CDH24: variants seen among roughly 807,000 people sequenced by gnomAD.
CDH24 encodes the protein cadherin 24, also known as cadherin-24.
CDH24 carries 61 observed loss-of-function variants against 71.2 expected under a neutral mutation model. The observed-to-expected ratio is 0.86, with a 90% confidence interval of 0.70 to 1.06. The LOEUF (loss-of-function observed/expected upper bound fraction) is 1.06, where lower values mean the gene tolerates loss of function less well. CDH24 is among the 50% of genes least tolerant of loss of function. The pLI, the probability that CDH24 is intolerant of heterozygous loss-of-function variation, is 0.00. For missense variants in CDH24, 961 were observed against 1,083.7 expected, an observed-to-expected ratio of 0.89 and a Z score of 1.59; for synonymous variants, 440 against 470.2, an observed-to-expected ratio of 0.94 and a Z score of 0.83.
At chr14:23,052,043 C>G in intron 8 of CDH24, 1 of 1,581,752 alleles carries the variant, frequency 6.3e-7, no homozygotes, top group Non-Finnish European at 8.6e-7. Flanking sequence ...ACTCAGCAAC[C>G]AGAAGAGGTA....
Position 23,047,964 on chromosome 14 carries a change from G to C in CDH24, c.*16C>G. 7.7e-7 allele frequency: 1 copy of C among 1,305,026 alleles called. No individual in the cohort carries two copies. The allele number at this position is 1,305,026 out of a possible 1,614,324, so 80.8% of individuals were successfully genotyped here. On this transcript the variant is annotated 3_prime_UTR_variant, in exon 12 of 13. Coordinates refer to ENST00000487137, the MANE Select transcript of CDH24 (RefSeq NM_144985.4). Reference sequence around the variant, plus strand: ...CGCTGCCCCCCCCCCGCGGTGGGCCGGGCCAGCCCGGGCGCTCAGGGGGCC... The same window carrying C: ...CGCTGCCCCCCCCCCGCGGTGGGCCCGGCCAGCCCGGGCGCTCAGGGGGCC...
rs753229920 is a variant in CDH24 at position 23,054,134 on chromosome 14, G to C, written c.972+7C>G. On this transcript the variant is annotated splice_region_variant and intron_variant, in intron 6 of 12. Transcript: ENST00000487137. This position sits in a 1 kb window ranked among gnomAD's most constrained non-coding sequence, Gnocchi z 5.2. Reference sequence around the variant, plus strand: ...TAAGAGAAAGCATTAACAGGCAGGAGGCTAACCTTGCGGACAGTGAGGAGC... The same window carrying C: ...TAAGAGAAAGCATTAACAGGCAGGACGCTAACCTTGCGGACAGTGAGGAGC... 31 of 1,584,242 alleles carry C rather than the reference G, an allele frequency of 2.0e-5. No homozygotes were observed. Among genetic ancestry groups the C allele is most frequent in the African/African-American group, 2.7e-5 (2 of 74,120 alleles).
chr14:23,055,300 C>A lies in CDH24; in HGVS notation c.255G>T (p.Gly85=). ...TCACAAATACGGTGCCTGCCCCCTC[C>A]CCGGTCAACAGGTACTTGGTGCGGC... ...GEGRTKYLLT[G]EGAGTVFVID... is the part of the protein sequence containing the mutation. The change falls in exon 3 of 13, where the codon GGG becomes GGT. Residue 85 remains glycine, a synonymous_variant. Coordinates refer to ENST00000487137, the MANE Select transcript of CDH24 (RefSeq NM_144985.4). This position sits in a 1 kb window ranked among gnomAD's most constrained non-coding sequence, Gnocchi z 4.1. 6.2e-7 allele frequency: 1 copy of A among 1,611,652 alleles called. No homozygotes were observed. Among genetic ancestry groups the A allele is most frequent in the South Asian group, 1.1e-5 (1 of 91,062 alleles).
chr14:23,049,231 G>A lies in CDH24; in HGVS notation c.1642C>T (p.Arg548Cys), dbSNP rs764139008. ...ATGGGAACCAAGTAGGGGGCATGGC[G>A]GGGTGGAGCAGGGCGGGAGGGCAGC... ...LLLPSRPAPP[R>C]HAPYLVPIEL... is the part of the protein sequence containing the mutation. Residue 548 changes from arginine to cysteine, a missense_variant, in exon 11 of 13, where the codon CGC becomes TGC. Arg to Cys is a radical substitution (Grantham distance 180). Coordinates refer to ENST00000487137, the MANE Select transcript of CDH24 (RefSeq NM_144985.4). The A allele has an allele frequency of 6.2e-5, 98 of 1,575,606 alleles. No homozygotes were observed. Among genetic ancestry groups the A allele is most frequent in the Non-Finnish European group, 8.0e-5 (93 of 1,160,104 alleles).
At position 23,049,119 on chromosome 14, in the gene CDH24, A is replaced by G; in HGVS notation, c.1754T>C (p.Val585Ala). The stretch of plus-strand genomic sequence containing the variant: ...GTGAGCCTCAGGCCAGCAGGATGCC[A>G]CAGAGCCGTCAGGCTGGCAGCGGCA... ...SVCRCQPDGS[V>A]ASCWPEAHLS... Residue 585 changes from valine to alanine, a missense_variant, in exon 11 of 13, where the codon GTG (valine) becomes GCG (alanine). Physicochemically the swap from Val to Ala is moderately conservative, Grantham distance 64 (BLOSUM62 0). Coordinates refer to ENST00000487137, the MANE Select transcript of CDH24 (RefSeq NM_144985.4). 6.2e-7 allele frequency: 1 copy of G among 1,608,210 alleles called. No individual in the cohort carries two copies. The highest frequency in any genetic ancestry group is 1.3e-5 in the African/African-American group (1 of 74,916).
rs369719037 is a variant in CDH24, at chr14:23,055,372, G to C, written c.202-19C>G. ...AGTGCAGCTGCAGGGGTCACGAAAA[G>C]ATGGCAGAGGGCTCCAAGTACAGAG... On this transcript the variant is annotated intron_variant, in intron 2 of 12. Coordinates refer to ENST00000487137, the MANE Select transcript of CDH24 (RefSeq NM_144985.4). The surrounding 1 kb of genome is among the most constrained non-coding windows in gnomAD (Gnocchi z 4.1). 8.7e-6 allele frequency: 14 copies of C among 1,600,026 alleles called. No homozygotes were observed. The Middle Eastern group carries it at 5.1e-4, about 59-fold the overall frequency.
intron 1 of CDH24, among the ~76,000 whole-genome samples, chr14:23,056,511 C>T (rs1197434514): frequency 2.0e-5 from 3 of 152,128 alleles, no homozygotes; most frequent in Non-Finnish European, 1.5e-5. Context: ...TAATGACTGA[C>T]GGCTAGACTG....
Position 23,049,020 on chromosome 14 carries a change from G to C in CDH24, c.1846+7C>G. 6.2e-7 allele frequency: 1 copy of C among 1,610,680 alleles called. No individual in the cohort carries two copies. Among genetic ancestry groups the C allele is most frequent in the East Asian group, 2.2e-5 (1 of 44,828 alleles). On this transcript the variant is annotated splice_region_variant and intron_variant, in intron 11 of 12. Transcript: ENST00000487137. ...GCACAGCTATGTACCACTGTGGCCT[G>C]ACTCACCAAGCAGGGCACCCACACA...
intron 6 of CDH24, 71 bp from the exon 7 acceptor site, chr14:23,053,820 T>G: frequency 6.9e-7 from 1 of 1,444,490 alleles, no homozygotes; most frequent in Non-Finnish European, 9.4e-7. Flanking sequence ...TCTTGGAAGG[T>G]GACAAGTCCC....
At chr14:23,053,112 T>C (rs2047097006) in intron 7 of CDH24, among the ~76,000 whole-genome samples, 1 of 152,000 alleles carries the variant, frequency 6.6e-6, no homozygotes, top group African/African-American at 2.4e-5. Flanking sequence ...TATGGCTGGC[T>C]TCTAAAACAA....
In CDH24 at chr14:23,052,266, C is replaced by T. The variant is rs59026195; in HGVS notation, c.1363+207G>A. The T allele has an allele frequency of 9.8e-4, 721 of 736,654 alleles. 2 individuals are homozygous for T. The highest frequency in any genetic ancestry group is 9.6e-3 in the African/African-American group (554 of 57,710). The allele number at this position is 736,654 out of a possible 1,614,324, so 45.6% of individuals were successfully genotyped here. A position where few individuals can be genotyped will look rare whatever the true frequency, so the allele number is the denominator to read the frequency against. On this transcript the variant is annotated intron_variant, in intron 8 of 12. Transcript: ENST00000487137. ...TAGGGGACTAGGAGACCAGGAGGCC[C>T]GCCCTGCCTGGTAGCAAGGATCCAG...
At position 23,055,086 on chromosome 14, in the gene CDH24, C is replaced by A. The variant is rs747277184; in HGVS notation, c.469G>T (p.Ala157Ser). The A allele has an allele frequency of 6.2e-7, 1 of 1,612,326 alleles. No individual in the cohort carries two copies. Among genetic ancestry groups the A allele is most frequent in the South Asian group, 1.1e-5 (1 of 91,058 alleles). The stretch of plus-strand genomic sequence containing the variant: ...ACATTGGACATCTCGGGCACGGTGG[C>A]ATGGTAGGGCCCAAGGGGAAAAATG... ...PPIFPLGPYH[A>S]TVPEMSNVGT... The change falls in exon 3 of 13, where the codon GCC (alanine) becomes TCC (serine). Residue 157 changes from alanine to serine, a missense_variant. Transcript: ENST00000487137. The surrounding 1 kb of genome is among the most constrained non-coding windows in gnomAD (Gnocchi z 4.1).
chr14:23,054,744 C>T lies in CDH24; in HGVS notation c.616+3G>A, dbSNP rs370484094. ...CCACCGGGCTCCCAGGCTCCATCCT[C>T]ACCAGTCTGGGGGTCCACAGAGAAG... On this transcript the variant is annotated splice_donor_region_variant and intron_variant, in intron 4 of 12. Coordinates refer to ENST00000487137, the MANE Select transcript of CDH24 (RefSeq NM_144985.4). This position sits in a 1 kb window ranked among gnomAD's most constrained non-coding sequence, Gnocchi z 5.2. 2.5e-5 allele frequency: 40 copies of T among 1,614,012 alleles called. No homozygotes were observed. Among genetic ancestry groups the T allele is most frequent in the Non-Finnish European group, 3.1e-5 (37 of 1,180,020 alleles).
At position 23,054,709 on chromosome 14, in the gene CDH24, C is replaced by T; in HGVS notation, c.617-36G>A. 6.2e-7 allele frequency: 1 copy of T among 1,613,988 alleles called. No individual in the cohort carries two copies. Among genetic ancestry groups the T allele is most frequent in the Non-Finnish European group, 8.5e-7 (1 of 1,179,962 alleles). Reference sequence around the variant, plus strand: ...ATGCTGGTCAGAGGGTGTCTGTCCCCTTGGCTGCCCCACCGGGCTCCCAGG... The same window carrying T: ...ATGCTGGTCAGAGGGTGTCTGTCCCTTTGGCTGCCCCACCGGGCTCCCAGG... On this transcript the variant is annotated intron_variant, in intron 4 of 12. Coordinates refer to ENST00000487137, the MANE Select transcript of CDH24 (RefSeq NM_144985.4). The surrounding 1 kb of genome is among the most constrained non-coding windows in gnomAD (Gnocchi z 5.2).
chr14:23,055,880 G>A lies in CDH24; in HGVS notation c.-124-23C>T, dbSNP rs2047126170. 21 of 677,572 alleles carry A rather than the reference G, an allele frequency of 3.1e-5. No homozygotes were observed. In the South Asian group the frequency reaches 4.0e-4, roughly 13 times the overall value. 42.0% of individuals were successfully genotyped at this position (677,572 alleles called of 1,614,324 possible). A position where few individuals can be genotyped will look rare whatever the true frequency, so the allele number is the denominator to read the frequency against. ...CACCTGCAGGACAAGCAGCTGCTCA[G>A]GCTCAAGGAAACCCCTAGCCCTCCT... is the stretch of plus-strand genomic sequence containing the variant. On this transcript the variant is annotated intron_variant, in intron 1 of 12. Coordinates refer to ENST00000487137, the MANE Select transcript of CDH24 (RefSeq NM_144985.4). The surrounding 1 kb of genome is among the most constrained non-coding windows in gnomAD (Gnocchi z 4.1).
At chr14:23,048,589 G>T in intron 11 of CDH24, 110 bp from the exon 12 acceptor site, 3 of 1,086,414 alleles carry the variant, frequency 2.8e-6, no homozygotes, top group Non-Finnish European at 4.0e-6. Context: ...GTGCTTAGGG[G>T]CTGACATCTA....
intron 8 of CDH24, chr14:23,050,261 G>C: frequency 1.2e-5 from 3 of 241,298 alleles, no homozygotes; most frequent in East Asian, 1.9e-4. Context: ...CAGAGGGAAG[G>C]TGCATACGAG....
chr14:23,048,227 G>A lies in CDH24; in HGVS notation c.2099C>T (p.Ala700Val). Residue 700 changes from alanine (A) to valine (V), a missense_variant, in exon 12 of 13, where the codon GCC becomes GTC. This residue lies in a region of CDH24 where 290 missense variants were observed against 272.8 expected (regional missense o/e 1.06). Transcript: ENST00000487137. ...VSRQPRPPGP[A>V]DVAQLLALRL... ...CAGCGCCAGGAGCTGCGCCACGTCGGCGGGGCCGGGGGGTCTGGGCTGGCG... is the reference window on the plus strand; with the variant it reads ...CAGCGCCAGGAGCTGCGCCACGTCGACGGGGCCGGGGGGTCTGGGCTGGCG... 7.7e-7 allele frequency: 1 copy of A among 1,305,830 alleles called. No homozygotes were observed. Among genetic ancestry groups the A allele is most frequent in the Non-Finnish European group, 9.7e-7 (1 of 1,027,610 alleles). The allele number at this position is 1,305,830 out of a possible 1,614,324, so 80.9% of individuals were successfully genotyped here. A position where few individuals can be genotyped will look rare whatever the true frequency, so the allele number is the denominator to read the frequency against.
At position 23,057,404 on chromosome 14, in the gene CDH24, TG is replaced by T. The variant is rs1377185672; in HGVS notation, c.-127del. The T allele has an allele frequency of 1.3e-5, 2 of 151,998 alleles. No individual in the cohort carries two copies. The highest frequency in any genetic ancestry group is 2.9e-5 in the Non-Finnish European group (2 of 68,036). The allele number at this position is 151,998 out of a possible 1,614,324, so 9.4% of individuals were successfully genotyped here. A position where few individuals can be genotyped will look rare whatever the true frequency, so the allele number is the denominator to read the frequency against. On this transcript the variant is annotated splice_region_variant and 5_prime_UTR_variant, in exon 1 of 13. Transcript: ENST00000487137. This position sits in a 1 kb window ranked among gnomAD's most constrained non-coding sequence, Gnocchi z 5.4. ...CTGCTCCGGGGCAGGCGCCCTTACC[TG>T]GCACTGCCGAGGGGCCCAGGCCGGC... is the stretch of plus-strand genomic sequence containing the variant.
Sources: allele counts gnomAD v4.1 joint callset (sites outside exome capture counted in the v4.1 genomes callset), GRCh38; gene constraint gnomAD v4.1.1; regional missense constraint gnomAD v4.1.1; non-coding constraint Gnocchi (gnomAD v3.1); transcripts MANE v1.5; gene names NCBI Gene and HGNC (gene_info 2026-07-23, HGNC 2026-07-21).